Variants in DOCK3 observed in about 807,000 individuals in gnomAD.
DOCK3 encodes dedicator of cytokinesis 3, also known as dedicator of cytokinesis protein 3.
A neutral mutation model predicts 265.6 loss-of-function variants in DOCK3; 60 were observed. The ratio of observed to expected loss-of-function variants is 0.23; its 90% CI spans 0.18 to 0.28. DOCK3 has a LOEUF of 0.28. Ranked by LOEUF, DOCK3 falls within the 10% of genes least tolerant of loss-of-function variation. The pLI is 1.00. For missense variants in DOCK3, 1,981 were observed against 2,594.3 expected (o/e 0.76, Z 5.14); for synonymous variants, 881 against 938.0 (o/e 0.94, Z 1.11).
Position 51,379,556 on chromosome 3 carries a change from C to T in DOCK3, c.5501-569C>T, listed in dbSNP as rs150287952. 3.4e-3 allele frequency: 3,352 copies of T among 985,472 alleles called. 3 individuals are homozygous for T. Among genetic ancestry groups the T allele is most frequent in the Non-Finnish European group, 3.8e-3 (3,163 of 829,942 alleles). 61.0% of individuals were successfully genotyped at this position (985,472 alleles called of 1,614,324 possible). A position where few individuals can be genotyped will look rare whatever the true frequency, so the allele number is the denominator to read the frequency against. On this transcript the variant is annotated intron_variant, in intron 51 of 52. Transcript: ENST00000266037. ...CATCCTGGCCCCCCCAGTGCCTCCC[C>T]GAAGCCTGCTGCATGGTAAGAAGAC... is the stretch of plus-strand genomic sequence containing the variant.
chr3:50,784,391 C>A (rs1183866420), intron 2 of DOCK3, among the ~76,000 whole-genome samples: 1 of 152,106 alleles, frequency 6.6e-6, no homozygotes, highest in Non-Finnish European at 1.5e-5. Context: ...ATACTAGTAC[C>A]ATGCTGTTTT....
intron 2 of DOCK3, among the ~76,000 whole-genome samples, chr3:50,789,377 A>T (rs543713296): frequency 2.0e-5 from 3 of 152,062 alleles, no homozygotes; most frequent in African/African-American, 7.2e-5. Flanking sequence ...ATTTATAGAG[A>T]GTTGTTTTGT....
chr3:51,310,304 G>C lies in DOCK3; in HGVS notation c.2995G>C (p.Val999Leu). The C allele has an allele frequency of 6.2e-7, 1 of 1,602,120 alleles. No individual in the cohort carries two copies. The highest frequency in any genetic ancestry group is 1.1e-5 in the South Asian group (1 of 88,258). Residue 999 changes from valine to leucine, a missense_variant, in exon 28 of 53, where the codon GTA (valine) becomes CTA (leucine). Around this residue, in one of 4 missense-constraint regions of DOCK3, gnomAD observed 1,357 missense variants for 1,866.8 expected, o/e 0.73. Transcript: ENST00000266037. ...GAGTGTCTTCCCTCGGGACTGGATG[G>C]TAATGAGACTGCTCACAAGCAAGTA... ...KMSVFPRDWM[V>L]MRLLTSNIIV...
chr3:51,078,978 T>C (rs2109410807), intron 7 of DOCK3, among the ~76,000 whole-genome samples: 1 of 152,288 alleles, frequency 6.6e-6, no homozygotes, highest in African/African-American at 2.4e-5. Flanking sequence ...ATTATAAGAG[T>C]CCACACATTT....
Position 51,017,345 on chromosome 3 carries a change from A to AT in DOCK3, c.316-47095dup, listed in dbSNP as rs143129542. Among the ~76,000 whole-genome samples, 739 of 150,616 alleles carry AT rather than the reference A, an allele frequency of 4.9e-3. 3 individuals are homozygous for AT. The highest frequency in any genetic ancestry group is 7.5e-3 in the Non-Finnish European group (509 of 67,688). Reference sequence around the variant, plus strand: ...GCTTTTTGTTTCATTGATCATTTGTATTTTTTTTAAATTTCTTTCTACTGT... The same window carrying AT: ...GCTTTTTGTTTCATTGATCATTTGTATTTTTTTTTAAATTTCTTTCTACTGT... On this transcript the variant is annotated intron_variant, in intron 5 of 52. Transcript: ENST00000266037.
chr3:50,739,929 C>T (rs531095607), intron 1 of DOCK3, among the ~76,000 whole-genome samples: 53 of 152,150 alleles, frequency 3.5e-4, no homozygotes, highest in African/African-American at 7.2e-4. Context: ...TTTTGACATA[C>T]GTATTCATCT....
intron 2 of DOCK3, among the ~76,000 whole-genome samples, chr3:50,811,969 A>T (rs1009740112): frequency 6.6e-6 from 1 of 152,244 alleles, no homozygotes; most frequent in Non-Finnish European, 1.5e-5. Flanking sequence ...GAGGGTGGAC[A>T]AGCAAGAAAC....
At position 50,820,173 on chromosome 3, in the gene DOCK3, G is replaced by C. The variant is rs115482990; in HGVS notation, c.122-21502G>C. The stretch of plus-strand genomic sequence containing the variant: ...CCGCTGCTCTGTCTGTAGAGTAACT[G>C]TTCTTTTATTCCTTTATTTTCTTAA... On this transcript the variant is annotated intron_variant, in intron 2 of 52. Transcript: ENST00000266037. 2.7e-3 allele frequency among the ~76,000 whole-genome samples: 417 copies of C among 152,288 alleles called. 1 individual carries two copies. The highest frequency in any genetic ancestry group is 9.6e-3 in the African/African-American group (399 of 41,552).
At position 51,016,960 on chromosome 3, in the gene DOCK3, T is replaced by TATTA. The variant is rs1553734355; in HGVS notation, c.316-47488_316-47487insATTA. On this transcript the variant is annotated intron_variant, in intron 5 of 52. Coordinates refer to ENST00000266037, the MANE Select transcript of DOCK3 (RefSeq NM_004947.5). ...ATATATGTTATATATAATATATATA[T>TATTA]TATATATATATAAATAAATGGTAAA... 5.6e-5 allele frequency among the ~76,000 whole-genome samples: 6 copies of TATTA among 106,888 alleles called. 1 individual carries two copies. Among genetic ancestry groups the TATTA allele is most frequent in the Admixed American group, 2.4e-4 (2 of 8,288 alleles). The allele number at this position is 106,888 out of a possible 152,430, so 70.1% of individuals were successfully genotyped here. A position where few individuals can be genotyped will look rare whatever the true frequency, so the allele number is the denominator to read the frequency against.
chr3:51,089,268 A>C lies in DOCK3; in HGVS notation c.575A>C (p.Gln192Pro). ...KMHLSSRQSV[Q>P]QSTSQVDTMR... Reference sequence around the variant, plus strand: ...CATTTATCTAGCCGGCAGAGTGTACAGCAAAGCACATCCCAGGTAAGCGGC... The same window carrying C: ...CATTTATCTAGCCGGCAGAGTGTACCGCAAAGCACATCCCAGGTAAGCGGC... Residue 192 changes from glutamine (Q) to proline (P), a missense_variant, in exon 8 of 53, where the codon CAG (glutamine) becomes CCG (proline). Gln to Pro is a moderately conservative substitution (Grantham distance 76, BLOSUM62 -1). Coordinates refer to ENST00000266037, the MANE Select transcript of DOCK3 (RefSeq NM_004947.5). The C allele has an allele frequency of 1.2e-6, 2 of 1,610,104 alleles. No homozygotes were observed. The highest frequency in any genetic ancestry group is 1.7e-6 in the Non-Finnish European group (2 of 1,178,138).
intron 9 of DOCK3, among the ~76,000 whole-genome samples, chr3:51,125,078 C>G (rs1340641209): frequency 6.6e-6 from 1 of 152,010 alleles, no homozygotes; most frequent in East Asian, 1.9e-4. Context: ...GCCGAGATCA[C>G]GCCACTGCAC....
intron 4 of DOCK3, among the ~76,000 whole-genome samples, chr3:50,904,851 AATGGT>A (rs747404764): frequency 2.0e-5 from 3 of 152,092 alleles, no homozygotes; most frequent in Non-Finnish European, 2.9e-5. Flanking sequence ...CTATGTCCTA[AATGGT>A]ATTGCCCAGG....
At chr3:50,890,146 C>T (rs2048572455) in intron 4 of DOCK3, 65 bp downstream of exon 4, 1 of 1,283,710 alleles carries the variant, frequency 7.8e-7, no homozygotes, top group East Asian at 3.1e-5. Flanking sequence ...GATTGTTTTT[C>T]CTTTTGGTTC....
chr3:51,076,381 G>A (rs778335091), intron 7 of DOCK3, among the ~76,000 whole-genome samples: 4 of 152,142 alleles, frequency 2.6e-5, no homozygotes, highest in East Asian at 1.9e-4. Flanking sequence ...TGATAGGATC[G>A]CTTGAGCTCA....
At chr3:50,912,779 T>C (rs1269472200) in intron 4 of DOCK3, among the ~76,000 whole-genome samples, 1 of 151,990 alleles carries the variant, frequency 6.6e-6, no homozygotes, top group Non-Finnish European at 1.5e-5. Context: ...GATGTTCCCT[T>C]AAGTCTTAAG....
At chr3:50,982,072 C>A (rs1315461610) in intron 5 of DOCK3, among the ~76,000 whole-genome samples, 1 of 152,122 alleles carries the variant, frequency 6.6e-6, no homozygotes, top group Non-Finnish European at 1.5e-5. Context: ...TGATCTTGAA[C>A]TCTTGACCTC....
chr3:51,037,384 TTTGA>T (rs1407198562), intron 5 of DOCK3, among the ~76,000 whole-genome samples: 16 of 152,322 alleles, frequency 1.1e-4, no homozygotes, highest in Non-Finnish European at 2.1e-4. Flanking sequence ...TTTGTGATAT[TTTGA>T]TTGTGGTCAT....
intron 5 of DOCK3, among the ~76,000 whole-genome samples, chr3:51,016,560 ATAT>A (rs2079265701): frequency 6.8e-5 from 6 of 88,778 alleles, no homozygotes; most frequent in South Asian, 6.1e-4. Context: ...TATATATCAT[ATAT>A]TATATATATA....
At chr3:51,125,086 C>T (rs1002366399) in intron 9 of DOCK3, among the ~76,000 whole-genome samples, 1 of 152,050 alleles carries the variant, frequency 6.6e-6, no homozygotes, top group Non-Finnish European at 1.5e-5. Context: ...CACGCCACTG[C>T]ACTCCAGCCT....
Sources: gnomAD v4.1 joint callset for allele counts (sites outside exome capture counted in the v4.1 genomes callset) on GRCh38, gnomAD v4.1.1 for gene constraint, gnomAD v4.1.1 regional missense constraint, MANE v1.5 for transcripts, NCBI Gene and HGNC (gene_info 2026-07-23, HGNC 2026-07-21) for gene names.